UBN2: variants seen among roughly 807,000 people sequenced by gnomAD.
The protein encoded by UBN2 is ubinuclein 2.
A neutral mutation model predicts 120.2 loss-of-function variants in UBN2; 35 were observed. The observed-to-expected ratio is 0.29, with a 90% CI of 0.22 to 0.39. The LOEUF (loss-of-function observed/expected upper bound fraction) is 0.39. Ranked by LOEUF, UBN2 falls within the 10% of genes least tolerant of loss-of-function variation. The pLI, the probability that UBN2 is intolerant of heterozygous loss-of-function variation, is 1.00. For missense variants in UBN2, 1,693 were observed against 1,663.2 expected, an observed-to-expected ratio of 1.02 and a Z score of -0.31; for synonymous variants, 661 against 648.7, an observed-to-expected ratio of 1.02 and a Z score of -0.29.
chr7:139,327,902 G>A, the UBN2 span, among the ~76,000 whole-genome samples: 1 of 152,094 alleles, frequency 6.6e-6, no homozygotes, highest in Non-Finnish European at 1.5e-5. Flanking sequence ...CTATCACAAG[G>A]AGAATAACTG....
chr7:139,272,538 G>A, intron 9 of UBN2, 98 bp downstream of exon 9: 2 of 810,352 alleles, frequency 2.5e-6, no homozygotes, highest in South Asian at 4.1e-5. Context: ...ATGTATGTAT[G>A]TATTTTGAGA....
Position 139,261,699 on chromosome 7 carries a change from T to G in UBN2, c.1353T>G (p.Gly451=). The G allele has an allele frequency of 6.2e-7, 1 of 1,614,092 alleles. No homozygotes were observed. The highest frequency in any genetic ancestry group is 2.2e-5 in the East Asian group (1 of 44,890). Residue 451 remains glycine (G), a synonymous_variant, in exon 6 of 18, where the codon GGT becomes GGG. Coordinates refer to ENST00000473989, the MANE Select transcript of UBN2 (RefSeq NM_173569.4). ...MPKVVPTLPE[G]LPVLLEKRIE... ...AAGTGGTACCTACACTCCCAGAGGG[T>G]CTACCTGTACTTCTTGAAAAACGTA...
At chr7:139,292,320 A>G (rs555813886) in intron 15 of UBN2, among the ~76,000 whole-genome samples, 1 of 152,308 alleles carries the variant, frequency 6.6e-6, no homozygotes, top group East Asian at 1.9e-4. Flanking sequence ...AAGCCCATCC[A>G]TGTTGGCATA....
chr7:139,246,372 A>G (rs1034440335), intron 2 of UBN2, among the ~76,000 whole-genome samples: 3 of 152,148 alleles, frequency 2.0e-5, no homozygotes, highest in Non-Finnish European at 2.9e-5. Context: ...CGTCTCAAAA[A>G]AAATTTGAGG....
At chr7:139,285,541 C>A (rs1290383412) in intron 15 of UBN2, among the ~76,000 whole-genome samples, 2 of 152,120 alleles carry the variant, frequency 1.3e-5, no homozygotes, top group Admixed American at 1.3e-4. Context: ...CAGACTCTTT[C>A]TCATTCTCTT....
In UBN2 at chr7:139,266,479, G is replaced by A; in HGVS notation, c.1466+76G>A. 3 of 811,944 alleles carry A rather than the reference G, an allele frequency of 3.7e-6. No homozygotes were observed. The South Asian group carries it at 5.2e-5, about 14-fold the overall frequency. The allele number at this position is 811,944 out of a possible 1,614,324, so 50.3% of individuals were successfully genotyped here. ...ATGTAATAGGCCTTTGAGATACTGAGTGGTTGGCAAGTCTTGGGCATGAGT... is the reference window on the plus strand; with the variant it reads ...ATGTAATAGGCCTTTGAGATACTGAATGGTTGGCAAGTCTTGGGCATGAGT... On this transcript the variant is annotated intron_variant, in intron 7 of 17. Coordinates refer to ENST00000473989, the MANE Select transcript of UBN2 (RefSeq NM_173569.4).
intron 15 of UBN2, among the ~76,000 whole-genome samples, chr7:139,289,414 C>CTTTTTTTTTTTTTTTTTTTTTTTTTTTT (rs1161484759): frequency 7.2e-5 from 9 of 125,792 alleles, no homozygotes; most frequent in African/African-American, 2.2e-4. Context: ...TTACATTTTG[C>CTTTTTTTTTTTTTTTTTTTTTTTTTTTT]TTTTTTTTTT....
intron 15 of UBN2, among the ~76,000 whole-genome samples, chr7:139,285,479 C>T (rs1247669238): frequency 6.6e-6 from 1 of 152,224 alleles, no homozygotes; most frequent in African/African-American, 2.4e-5. Context: ...AAATACTACT[C>T]CACTGACTCT....
rs1315218627 is a variant in UBN2, at chr7:139,231,326, G to A, written c.-159G>A. On this transcript the variant is annotated 5_prime_UTR_variant, in exon 1 of 18. Transcript: ENST00000473989. ...CCCATCAGAACGTAGTAGCGGGGAA[G>A]GGGACACGGTCCGCACTCACCGTGG... Among the ~76,000 whole-genome samples the A allele has an allele frequency of 6.6e-6, 1 of 152,222 alleles. No individual in the cohort carries two copies. The highest frequency in any genetic ancestry group is 6.5e-5 in the Admixed American group (1 of 15,292).
rs892767409 is a variant in UBN2, at chr7:139,306,207, C to A, written c.*8371C>A. On this transcript the variant is annotated 3_prime_UTR_variant, in exon 18 of 18. Transcript: ENST00000473989. ...GTATCAACCAAGACCAGCCAGTTGA[C>A]ATGTTTTTCTGTGTGGCAACCTGCC... is the stretch of plus-strand genomic sequence containing the variant. 3 of 152,218 alleles carry A rather than the reference C, an allele frequency of 2.0e-5. No individual in the cohort carries two copies. Among genetic ancestry groups the A allele is most frequent in the Non-Finnish European group, 4.4e-5 (3 of 68,036 alleles). 9.4% of individuals were successfully genotyped at this position (152,218 alleles called of 1,614,324 possible).
At chr7:139,328,260 T>C in the UBN2 span, among the ~76,000 whole-genome samples, 2 of 152,162 alleles carry the variant, frequency 1.3e-5, no homozygotes, top group African/African-American at 2.4e-5. Flanking sequence ...AAGCAAGGCA[T>C]ATCTTACATG....
intron 8 of UBN2, among the ~76,000 whole-genome samples, chr7:139,271,883 G>A (rs191928991): frequency 7.9e-5 from 12 of 152,258 alleles, no homozygotes; most frequent in Admixed American, 4.6e-4. Context: ...ACCAACGTCC[G>A]GTTGGTAGTC....
intron 8 of UBN2, among the ~76,000 whole-genome samples, chr7:139,271,968 A>G (rs1477619113): frequency 6.6e-6 from 1 of 152,218 alleles, no homozygotes; most frequent in Non-Finnish European, 1.5e-5. Flanking sequence ...ATCACAATGG[A>G]AATTAACCAG....
intron 2 of UBN2, among the ~76,000 whole-genome samples, chr7:139,251,247 A>G (rs191138699): frequency 3.9e-5 from 6 of 152,320 alleles, no homozygotes; most frequent in Non-Finnish European, 5.9e-5. Flanking sequence ...GACAATACAG[A>G]GAGTTCCCAT....
At chr7:139,262,319 T>G (rs2130985719) in intron 6 of UBN2, among the ~76,000 whole-genome samples, 1 of 151,758 alleles carries the variant, frequency 6.6e-6, no homozygotes, top group East Asian at 2.0e-4. Context: ...AGGCTGGTCT[T>G]GAATTCCTGA....
intron 2 of UBN2, among the ~76,000 whole-genome samples, chr7:139,244,701 T>G (rs1796417324): frequency 6.6e-6 from 1 of 152,098 alleles, no homozygotes. Flanking sequence ...TAGATATATA[T>G]TGCTATGTTT....
At chr7:139,253,232 CT>C (rs1796667994) in intron 3 of UBN2, among the ~76,000 whole-genome samples, 1 of 93,752 alleles carries the variant, frequency 1.1e-5, no homozygotes. Flanking sequence ...AACGGAGCAT[CT>C]GGGTGCATTT....
At position 139,245,097 on chromosome 7, in the gene UBN2, C is replaced by CTTT. The variant is rs537219130; in HGVS notation, c.562-6837_562-6835dup. On this transcript the variant is annotated intron_variant, in intron 2 of 17. Coordinates refer to ENST00000473989, the MANE Select transcript of UBN2 (RefSeq NM_173569.4). ...TACAGGCACGCATCACCATGCCCAGCTTTTTTTTTTTTTTTTTTTTTTTTG... is the reference window on the plus strand; with the variant it reads ...TACAGGCACGCATCACCATGCCCAGCTTTTTTTTTTTTTTTTTTTTTTTTTTTG... Among the ~76,000 whole-genome samples the CTTT allele has an allele frequency of 6.3e-3, 628 of 100,302 alleles. 25 individuals carry two copies. The highest frequency in any genetic ancestry group is 0.023 in the African/African-American group (506 of 21,580). The allele number at this position is 100,302 out of a possible 152,430, so 65.8% of individuals were successfully genotyped here.
In UBN2 at chr7:139,260,325, T is replaced by A. The variant is rs898949076; in HGVS notation, c.906-927T>A. On this transcript the variant is annotated intron_variant, in intron 5 of 17. Transcript: ENST00000473989. ...GTTATCTAGGCTGGTCTCGAACTCC[T>A]GGGCTCAAGTGATTCACCAGCCTCA... Among the ~76,000 whole-genome samples, 18 of 151,716 alleles carry A rather than the reference T, an allele frequency of 1.2e-4. No individual in the cohort carries two copies. The East Asian group carries it at 3.5e-3, about 29-fold the overall frequency.
Sources: allele counts gnomAD v4.1 joint callset (sites outside exome capture counted in the v4.1 genomes callset), GRCh38; gene constraint gnomAD v4.1.1; transcripts MANE v1.5; gene names NCBI Gene and HGNC (gene_info 2026-07-23, HGNC 2026-07-21).